PARP16: variants seen among roughly 807,000 people sequenced by gnomAD.
PARP16 encodes poly(ADP-ribose) polymerase family member 16, also known as protein mono-ADP-ribosyltransferase PARP16.
Under a neutral mutation model 35.0 loss-of-function variants are expected in PARP16, and 31 were observed. The ratio of observed to expected loss-of-function variants is 0.88; its 90% CI spans 0.66 to 1.19. PARP16 has a LOEUF of 1.19. Ranked by LOEUF, PARP16 falls within the 50% of genes most tolerant of loss-of-function variation. PARP16 has a pLI of 0.00. For missense variants in PARP16, 424 were observed against 411.2 expected (o/e 1.03, Z -0.27); for synonymous variants, 162 against 169.5 (o/e 0.96, Z 0.34).
chr15:65,271,182 C>T, intron 1 of PARP16, 110 bp from the exon 2 acceptor site: 1 of 990,594 alleles, frequency 1.0e-6, no homozygotes, highest in Non-Finnish European at 1.6e-6. Flanking sequence ...CTCAAGGGAT[C>T]TCCTGAGAGG....
chr15:65,259,088 G>T lies in PARP16; in HGVS notation c.*319C>A, dbSNP rs1271884572. On this transcript the variant is annotated 3_prime_UTR_variant, in exon 6 of 6. Transcript: ENST00000649807. The stretch of plus-strand genomic sequence containing the variant: ...TTGTAAACACACCACTGACAGCTTG[G>T]ACACTTTGTTTTTAAATGCAGCAGG... The T allele has an allele frequency of 4.5e-6, 1 of 221,992 alleles. No individual in the cohort carries two copies. The highest frequency in any genetic ancestry group is 5.1e-5 in the Admixed American group (1 of 19,490). The allele number at this position is 221,992 out of a possible 1,614,324, so 13.8% of individuals were successfully genotyped here. A position where few individuals can be genotyped will look rare whatever the true frequency, so the allele number is the denominator to read the frequency against.
intron 3 of PARP16, among the ~76,000 whole-genome samples, chr15:65,244,722 A>G (rs2089163949): frequency 1.3e-5 from 2 of 152,230 alleles, no homozygotes; most frequent in Non-Finnish European, 2.9e-5. Context: ...CAGCCAGCAC[A>G]AGATCTGGCA....
chr15:65,253,746 T>TA (rs1489588986), downstream of PARP16, among the ~76,000 whole-genome samples: 1 of 152,202 alleles, frequency 6.6e-6, no homozygotes, highest in Non-Finnish European at 1.5e-5. Context: ...TACCATATCT[T>TA]AGATACTTGG....
downstream of PARP16, among the ~76,000 whole-genome samples, chr15:65,233,374 C>T (rs2140702211): frequency 6.6e-6 from 1 of 152,280 alleles, no homozygotes; most frequent in South Asian, 2.1e-4. Flanking sequence ...TGCTCTCCAG[C>T]CTGGGTGACA....
intron 1 of PARP16, among the ~76,000 whole-genome samples, chr15:65,279,252 C>T (rs2090348746): frequency 6.6e-6 from 1 of 152,166 alleles, no homozygotes; most frequent in Non-Finnish European, 1.5e-5. Context: ...AAATGAGCTA[C>T]GTGTAGTAAC....
downstream of PARP16, among the ~76,000 whole-genome samples, chr15:65,254,228 G>C (rs2089441557): frequency 6.6e-6 from 1 of 152,214 alleles, no homozygotes; most frequent in Non-Finnish European, 1.5e-5. Context: ...CACTACAGCA[G>C]AACGCTGGAA....
chr15:65,245,389 A>G (rs1393741350), intron 3 of PARP16, among the ~76,000 whole-genome samples: 1 of 152,052 alleles, frequency 6.6e-6, no homozygotes, highest in African/African-American at 2.4e-5. Flanking sequence ...TCTAGGGGCC[A>G]CTCCTTACAA....
At chr15:65,267,678 CTTTTTTTT>C (rs556058787) in intron 2 of PARP16, among the ~76,000 whole-genome samples, 4 of 53,060 alleles carry the variant, frequency 7.5e-5, no homozygotes, top group Non-Finnish European at 9.7e-5. Context: ...ATTTTCCTAA[CTTTTTTTT>C]TTTTTTTTTT....
chr15:65,250,846 C>CGT (rs1249456332), intron 2 of PARP16, among the ~76,000 whole-genome samples: 1 of 152,084 alleles, frequency 6.6e-6, no homozygotes, highest in East Asian at 1.9e-4. Flanking sequence ...CACAGTGGCG[C>CGT]GCGTGTGTGT....
At chr15:65,250,793 C>T (rs1371185239) in intron 2 of PARP16, among the ~76,000 whole-genome samples, 1 of 152,134 alleles carries the variant, frequency 6.6e-6, no homozygotes, top group Non-Finnish European at 1.5e-5. Flanking sequence ...CCAAGCTGAC[C>T]GAAGGAGGCC....
rs1393914581 is a variant in PARP16, at chr15:65,259,391, A to G, written c.*16T>C. On this transcript the variant is annotated 3_prime_UTR_variant, in exon 6 of 6. Coordinates refer to ENST00000649807, the MANE Select transcript of PARP16 (RefSeq NM_001316943.2). ...GGCACATAGTTGAGGTAGCCCCCACACCAGGCCCAGAAAGATTATCTTTTC... is the reference window on the plus strand; with the variant it reads ...GGCACATAGTTGAGGTAGCCCCCACGCCAGGCCCAGAAAGATTATCTTTTC... The G allele has an allele frequency of 6.2e-7, 1 of 1,614,004 alleles. No homozygotes were observed. The highest frequency in any genetic ancestry group is 8.5e-7 in the Non-Finnish European group (1 of 1,179,876).
chr15:65,259,466 T>G lies in PARP16; in HGVS notation c.910A>C (p.Ile304Leu), dbSNP rs764912928. Reference sequence around the variant, plus strand: ...GCAGAGGAGTTGATGACACTCACTATGAGCAGCAGCAGCAGATACAGGGAT... The same window carrying G: ...GCAGAGGAGTTGATGACACTCACTAGGAGCAGCAGCAGCAGATACAGGGAT... ...MISLYLLLLL[I>L]VSVINSSAFQ... is the part of the protein sequence containing the mutation. Residue 304 changes from isoleucine (I) to leucine (L), a missense_variant, in exon 6 of 6, where the codon ATA (isoleucine) becomes CTA (leucine). Physicochemically the swap from Ile to Leu is conservative, Grantham distance 5 (BLOSUM62 2). Transcript: ENST00000649807. The G allele has an allele frequency of 1.9e-6, 3 of 1,613,718 alleles. No individual in the cohort carries two copies. In the South Asian group the frequency reaches 3.3e-5, roughly 18 times the overall value.
intron 2 of PARP16, among the ~76,000 whole-genome samples, chr15:65,269,609 T>C (rs1459702109): frequency 6.6e-6 from 1 of 152,206 alleles, no homozygotes; most frequent in African/African-American, 2.4e-5. Context: ...TGATGTAAGG[T>C]TGCCATGTAC....
At chr15:65,270,208 G>T (rs1300164315) in intron 2 of PARP16, among the ~76,000 whole-genome samples, 1 of 152,164 alleles carries the variant, frequency 6.6e-6, no homozygotes, top group Non-Finnish European at 1.5e-5. Context: ...CCTACACCCT[G>T]GTCCTTGTTA....
intron 1 of PARP16, among the ~76,000 whole-genome samples, chr15:65,276,581 G>A (rs112980682): frequency 0.044 from 6,701 of 152,058 alleles, 365 homozygotes; most frequent in African/African-American, 0.13. Flanking sequence ...GTCCAGGCTG[G>A]TCTCAAAACT....
chr15:65,245,512 C>T lies in PARP16; in HGVS notation c.*97+2605G>A, dbSNP rs193132147. Among the ~76,000 whole-genome samples, 7 of 152,258 alleles carry T rather than the reference C, an allele frequency of 4.6e-5. No individual in the cohort carries two copies. In the East Asian group the frequency reaches 5.8e-4, roughly 13 times the overall value. On this transcript the variant is annotated intron_variant and NMD_transcript_variant, in intron 3 of 3. Coordinates refer to the PARP16 transcript ENST00000559805. ...TAATCCCAGATCTCGCCAGGAACAC[C>T]GCTGCTGTGGGGTCATGGATGTGGC...
At position 65,266,584 on chromosome 15, in the gene PARP16, C is replaced by A; in HGVS notation, c.497G>T (p.Gly166Val). Residue 166 changes from glycine (G) to valine (V), a missense_variant, in exon 3 of 6, where the codon GGC becomes GTC. Transcript: ENST00000649807. ...LENFHSIIHN[G>V]LHCHLNKTSL... ...CACCTTGTTCAGATGGCAGTGCAGG[C>A]CATTGTGGATAATGGAATGGAAGTT... is the stretch of plus-strand genomic sequence containing the variant. The A allele has an allele frequency of 6.2e-7, 1 of 1,614,040 alleles. No homozygotes were observed. The highest frequency in any genetic ancestry group is 8.5e-7 in the Non-Finnish European group (1 of 1,179,914).
At chr15:65,247,093 C>T (rs1307235979) in intron 3 of PARP16, among the ~76,000 whole-genome samples, 1 of 152,046 alleles carries the variant, frequency 6.6e-6, no homozygotes, top group Non-Finnish European at 1.5e-5. Flanking sequence ...TGGGCTCAAG[C>T]AGTCTTCCAG....
intron 3 of PARP16, among the ~76,000 whole-genome samples, chr15:65,235,944 G>A (rs984903599): frequency 3.7e-5 from 5 of 136,492 alleles, no homozygotes; most frequent in South Asian, 5.1e-4. Flanking sequence ...TGCAACCTCC[G>A]CCTCTCAGGT....
Sources: allele counts gnomAD v4.1 joint callset (sites outside exome capture counted in the v4.1 genomes callset), GRCh38; gene constraint gnomAD v4.1.1; transcripts MANE v1.5; gene names NCBI Gene and HGNC (gene_info 2026-07-23, HGNC 2026-07-21).